Variants in FAM107A observed in about 807,000 individuals in gnomAD.
FAM107A encodes family with sequence similarity 107 member A.
Under a neutral mutation model 13.7 loss-of-function variants are expected in FAM107A, and 19 were observed. The observed-to-expected ratio is 1.38, with a 90% CI of 0.97 to 2.03. The LOEUF is 2.03. Ranked by LOEUF, FAM107A falls within the 30% of genes most tolerant of loss-of-function variation. The pLI is 0.00. For missense variants in FAM107A, 203 were observed against 184.4 expected, an observed-to-expected ratio of 1.10 and a Z score of -0.58; for synonymous variants, 82 against 74.5, an observed-to-expected ratio of 1.10 and a Z score of -0.52.
At chr3:58,619,492 C>T (rs1049740595) in intron 1 of FAM107A, among the ~76,000 whole-genome samples, 1 of 152,218 alleles carries the variant, frequency 6.6e-6, no homozygotes, top group Admixed American at 6.5e-5. Context: ...GGACATGCCG[C>T]AGCCTCTCAT....
chr3:58,599,029 C>CTCCCAGGTTCAAGCAATTG (rs1480237297), intron 1 of FAM107A, among the ~76,000 whole-genome samples: 3 of 152,130 alleles, frequency 2.0e-5, no homozygotes, highest in African/African-American at 4.8e-5. Flanking sequence ...GTGACCTCCG[C>CTCCCAGGTTCAAGCAATTG]CTCCCAGGTT....
Position 58,566,552 on chromosome 3 carries a change from CCA to C in FAM107A, c.*34_*35del, listed in dbSNP as rs2063622774. 6.6e-7 allele frequency: 1 copy of C among 1,515,460 alleles called. No individual in the cohort carries two copies. The highest frequency in any genetic ancestry group is 9.2e-7 in the Non-Finnish European group (1 of 1,092,196). The allele number at this position is 1,515,460 out of a possible 1,614,324, so 93.9% of individuals were successfully genotyped here. On this transcript the variant is annotated 3_prime_UTR_variant, in exon 4 of 4. Transcript: ENST00000360997. The stretch of plus-strand genomic sequence containing the variant: ...GAAGGGCTGAAGGAGGCTGTCCAGG[CCA>C]GGGTGGGCAGTGGCCTGAGCCCGGC...
chr3:58,622,930 C>G (rs2065970815), intron 1 of FAM107A, among the ~76,000 whole-genome samples: 1 of 152,188 alleles, frequency 6.6e-6, no homozygotes, highest in South Asian at 2.1e-4. Flanking sequence ...GTGCAAGGCC[C>G]CTTTCTCCTC....
intron 1 of FAM107A, among the ~76,000 whole-genome samples, chr3:58,593,441 G>T (rs908577796): frequency 6.6e-6 from 1 of 151,940 alleles, no homozygotes; most frequent in Admixed American, 6.6e-5. Flanking sequence ...TTACACTGCC[G>T]GTTTACACTT....
upstream of FAM107A, chr3:58,589,174 C>T (rs183226031): frequency 2.4e-5 from 35 of 1,430,212 alleles, no homozygotes; most frequent in East Asian, 1.5e-4. Context: ...GGACTCTGGC[C>T]GCACCCAGGA....
chr3:58,582,840 C>A (rs1173738127), intron 1 of FAM107A, among the ~76,000 whole-genome samples: 1 of 152,206 alleles, frequency 6.6e-6, no homozygotes. Context: ...TGCTCTGTTG[C>A]CAGGCTGGAG....
In FAM107A at chr3:58,585,544, A is replaced by C. The variant is rs564850480; in HGVS notation, c.79+1314T>G. ...AGAGCGGGCCGCGCGGGGCGCGGGG[A>C]CAGGCACCGCCGCTGCAGACGCGGC... On this transcript the variant is annotated intron_variant, in intron 1 of 3. Transcript: ENST00000447756. Among the ~76,000 whole-genome samples the C allele has an allele frequency of 2.0e-5, 3 of 152,292 alleles. No individual in the cohort carries two copies. In the South Asian group the frequency reaches 6.2e-4, roughly 32 times the overall value.
exon 1 of FAM107A, chr3:58,586,865 G>C: frequency 6.5e-7 from 1 of 1,532,780 alleles, no homozygotes; most frequent in Non-Finnish European, 8.7e-7. Flanking sequence ...TACCCGACCG[G>C]AGCAGCACAG....
chr3:58,625,885 C>T (rs2066009950), intron 1 of FAM107A, among the ~76,000 whole-genome samples: 2 of 152,254 alleles, frequency 1.3e-5, no homozygotes, highest in Non-Finnish European at 2.9e-5. Context: ...GTTTCTCAAC[C>T]TTGATGGAAC....
intron 1 of FAM107A, among the ~76,000 whole-genome samples, chr3:58,586,568 A>G (rs10866021): frequency 0.83 from 126,386 of 152,024 alleles, 52,815 homozygotes; most frequent in East Asian, 1. Context: ...GCGCACCTGT[A>G]GTCCCAGCTA....
chr3:58,614,125 A>C (rs1373730979), intron 1 of FAM107A, among the ~76,000 whole-genome samples: 1 of 152,238 alleles, frequency 6.6e-6, no homozygotes, highest in Non-Finnish European at 1.5e-5. Context: ...TTCAGGGTTG[A>C]GCCCATTAGC....
chr3:58,603,825 A>C (rs1427974693), intron 1 of FAM107A, among the ~76,000 whole-genome samples: 2 of 145,800 alleles, frequency 1.4e-5, no homozygotes, highest in Non-Finnish European at 3.0e-5. Flanking sequence ...TGGATCAATA[A>C]AAGGGATGTA....
At chr3:58,619,603 C>G (rs983795870) in intron 1 of FAM107A, among the ~76,000 whole-genome samples, 1 of 152,174 alleles carries the variant, frequency 6.6e-6, no homozygotes, top group African/African-American at 2.4e-5. Flanking sequence ...CCTCGTGGGT[C>G]CCCCTTCAGT....
chr3:58,627,302 G>A (rs978346396), intron 1 of FAM107A: 1 of 426,294 alleles, frequency 2.3e-6, no homozygotes, highest in African/African-American at 2.0e-5. Flanking sequence ...AAGGGAAACT[G>A]AGGCAGCTGG....
rs537201303 is a variant in FAM107A at position 58,617,023 on chromosome 3, C to T, written c.-70+10393G>A. Among the ~76,000 whole-genome samples, 6 of 152,302 alleles carry T rather than the reference C, an allele frequency of 3.9e-5. No homozygotes were observed. Among genetic ancestry groups the T allele is most frequent in the South Asian group, 4.1e-4 (2 of 4,824 alleles). ...TCTTGACCTTGTGATCCGCCTGCCT[C>T]GGCCTCCCAAAGTGCTGGGATTACA... On this transcript the variant is annotated intron_variant, in intron 1 of 3. Coordinates refer to the FAM107A transcript ENST00000465970. This position sits in a 1 kb window ranked among gnomAD's most constrained non-coding sequence, Gnocchi z 4.5.
upstream of FAM107A, chr3:58,589,283 G>A (rs771178646): frequency 1.3e-6 from 2 of 1,517,476 alleles, no homozygotes; most frequent in Non-Finnish European, 1.8e-6. Context: ...TAAACAGAAA[G>A]AAAGTAGGTG....
chr3:58,603,280 AAGG>A (rs1553629833), intron 1 of FAM107A, among the ~76,000 whole-genome samples: 4 of 152,056 alleles, frequency 2.6e-5, no homozygotes, highest in Non-Finnish European at 2.9e-5. Flanking sequence ...GAATAATGAG[AAGG>A]AGGACAATGA....
chr3:58,582,662 C>G (rs1354247235), upstream of FAM107A, among the ~76,000 whole-genome samples: 1 of 152,228 alleles, frequency 6.6e-6, no homozygotes, highest in Non-Finnish European at 1.5e-5. Context: ...GTTTCCTCCT[C>G]CCTAAAATGG....
chr3:58,578,514 G>A (rs2063748222), upstream of FAM107A, among the ~76,000 whole-genome samples: 1 of 152,298 alleles, frequency 6.6e-6, no homozygotes, highest in South Asian at 2.1e-4. Context: ...TTTGCAGTGA[G>A]CCAAGATTGG....
Sources: gnomAD v4.1 joint callset for allele counts (sites outside exome capture counted in the v4.1 genomes callset) on GRCh38, gnomAD v4.1.1 for gene constraint, Gnocchi (gnomAD v3.1) non-coding constraint, MANE v1.5 for transcripts, NCBI Gene and HGNC (gene_info 2026-07-23, HGNC 2026-07-21) for gene names.